MID1: variants seen among roughly 807,000 people sequenced by gnomAD.
The protein encoded by MID1 is midline 1.
A neutral mutation model predicts 40.4 loss-of-function variants in MID1; 7 were observed. The observed-to-expected ratio is 0.17, with a 90% CI of 0.10 to 0.33. The LOEUF is 0.33. Among genes scored for constraint, MID1 ranks in the 10% least tolerant of loss-of-function variants. The probability of loss-of-function intolerance (pLI) is 1.00; values close to 1 mark genes in which losing one functional copy is unlikely to be tolerated. For synonymous variants in MID1, 229 were observed against 221.2 expected, an observed-to-expected ratio of 1.04 and a Z score of -0.31; for missense variants, 367 against 558.5, an observed-to-expected ratio of 0.66 and a Z score of 3.46.
intron 8 of MID1, among the ~76,000 whole-genome samples, chrX:10,458,581 T>A (rs1370831503): frequency 1.8e-5 from 2 of 112,189 alleles, no homozygotes; most frequent in Non-Finnish European, 3.8e-5. Flanking sequence ...ATCTATGGAT[T>A]TCCTGTAAAT....
intron 1 of MID1, among the ~76,000 whole-genome samples, chrX:10,793,997 C>T (rs2043952029): frequency 8.9e-6 from 1 of 111,799 alleles, no homozygotes; most frequent in South Asian, 3.8e-4. Context: ...TCCCTCCTTC[C>T]CTGCCACTTC....
chrX:10,547,873 T>C (rs1417291277), intron 2 of MID1, among the ~76,000 whole-genome samples: 1 of 110,577 alleles, frequency 9.0e-6, no homozygotes, highest in Non-Finnish European at 1.9e-5. Context: ...AGAGAGAAAA[T>C]TCAAATTAAG....
intron 4 of MID1, among the ~76,000 whole-genome samples, chrX:10,483,747 C>T (rs1007277848): frequency 8.9e-6 from 1 of 112,122 alleles, no homozygotes; most frequent in African/African-American, 3.2e-5. Context: ...TTCTCCAAGT[C>T]GTCATTACCA....
chrX:10,613,746 G>T (rs1315459889), intron 1 of MID1, among the ~76,000 whole-genome samples: 21 of 81,823 alleles, frequency 2.6e-4, no homozygotes, highest in African/African-American at 3.7e-4. Flanking sequence ...GAGAGAGAGA[G>T]AGAGAGAGAG....
chrX:10,455,094 A>AAAAC lies in MID1; in HGVS notation c.1448-21_1448-18dup. ...ATGGTTGGCCTGAAAACAAATTCAC[A>AAAAC]AAACAGAAAAAGGAAGAGGAAGAGG... On this transcript the variant is annotated splice_polypyrimidine_tract_variant and intron_variant, in intron 8 of 9. Transcript: ENST00000317552. 8.7e-7 allele frequency: 1 copy of AAAAC among 1,153,328 alleles called. No individual in the cohort carries two copies. Among genetic ancestry groups the AAAAC allele is most frequent in the South Asian group, 1.8e-5 (1 of 55,603 alleles).
At chrX:10,721,913 A>G (rs983545630) in intron 1 of MID1, among the ~76,000 whole-genome samples, 1 of 110,589 alleles carries the variant, frequency 9.0e-6, no homozygotes, top group African/African-American at 3.3e-5. Flanking sequence ...CTACAAAAAG[A>G]GAAGAAAAGA....
chrX:10,665,798 G>A (rs1843514817), intron 1 of MID1, among the ~76,000 whole-genome samples: 1 of 110,396 alleles, frequency 9.1e-6, no homozygotes, highest in Non-Finnish European at 1.9e-5. Flanking sequence ...AAAGTGCCAG[G>A]ATTATAGGCG....
chrX:10,506,437 G>C (rs1344988633), intron 3 of MID1: 1 of 705,352 alleles, frequency 1.4e-6, no homozygotes, highest in Non-Finnish European at 2.2e-6. Context: ...TGGGCAACTG[G>C]AGATTAACCC....
chrX:10,821,160 T>C (rs1297855756), intron 1 of MID1, among the ~76,000 whole-genome samples: 1 of 111,946 alleles, frequency 8.9e-6, no homozygotes, highest in African/African-American at 3.2e-5. Flanking sequence ...TTTATAAATA[T>C]TAAGCCAGAT....
intron 1 of MID1, among the ~76,000 whole-genome samples, chrX:10,772,144 T>C (rs1394607213): frequency 9.0e-6 from 1 of 111,108 alleles, no homozygotes; most frequent in East Asian, 2.8e-4. Context: ...GGTGTGTGTG[T>C]ATATGTGTGT....
At chrX:10,451,883 A>ATGTC (rs113902669) in intron 9 of MID1, among the ~76,000 whole-genome samples, 2,756 of 111,608 alleles carry the variant, frequency 0.025, 71 homozygotes, top group African/African-American at 0.086. Flanking sequence ...GGTCTTGGTT[A>ATGTC]TGTCTTTACC....
At chrX:10,654,300 C>A (rs2042854327) in intron 1 of MID1, among the ~76,000 whole-genome samples, 1 of 112,294 alleles carries the variant, frequency 8.9e-6, no homozygotes, top group African/African-American at 3.2e-5. Flanking sequence ...ACTTTCCCTC[C>A]AAATAGCATT....
At chrX:10,568,762 A>G (rs1003442715) in intron 1 of MID1, among the ~76,000 whole-genome samples, 10 of 111,954 alleles carry the variant, frequency 8.9e-5, no homozygotes, top group Admixed American at 2.8e-4. Context: ...CATCAAAAAG[A>G]GTAGTAGAAA....
intron 9 of MID1, among the ~76,000 whole-genome samples, chrX:10,454,149 C>T (rs909805032): frequency 9.0e-6 from 1 of 111,455 alleles, no homozygotes; most frequent in East Asian, 2.8e-4. Flanking sequence ...TGACCTTTGC[C>T]CTTATTCTTA....
chrX:10,616,497 CT>C (rs1479378937), intron 1 of MID1, among the ~76,000 whole-genome samples: 58 of 111,885 alleles, frequency 5.2e-4, no homozygotes, highest in African/African-American at 1.6e-3. Flanking sequence ...ACTAAATCCC[CT>C]CCTTTCACCA....
At chrX:10,584,960 G>A (rs990604949) in intron 1 of MID1, among the ~76,000 whole-genome samples, 3 of 111,023 alleles carry the variant, frequency 2.7e-5, no homozygotes, top group Non-Finnish European at 3.8e-5. Context: ...GGGGGTCCAC[G>A]TGAGAGGGTC....
intron 1 of MID1, among the ~76,000 whole-genome samples, chrX:10,610,351 A>G (rs2147531940): frequency 8.9e-6 from 1 of 112,310 alleles, no homozygotes; most frequent in South Asian, 3.7e-4. Context: ...GATGAACACA[A>G]CGTTTTTCAG....
chrX:10,668,825 G>A (rs907069821), intron 1 of MID1, among the ~76,000 whole-genome samples: 1 of 112,317 alleles, frequency 8.9e-6, no homozygotes, highest in African/African-American at 3.2e-5. Flanking sequence ...TTCATTAAGG[G>A]CTTATGCTAT....
intron 1 of MID1, among the ~76,000 whole-genome samples, chrX:10,628,329 T>A (rs1936016748): frequency 9.0e-6 from 1 of 111,282 alleles, no homozygotes; most frequent in African/African-American, 3.3e-5. Context: ...AATCTAAATA[T>A]CTGAGAAACT....
Sources: gnomAD v4.1 joint callset for allele counts (sites outside exome capture counted in the v4.1 genomes callset) on GRCh38, gnomAD v4.1.1 for gene constraint, MANE v1.5 for transcripts, NCBI Gene and HGNC (gene_info 2026-07-23, HGNC 2026-07-21) for gene names.